NELL1: variants seen among roughly 807,000 people sequenced by gnomAD.
NELL1 encodes the protein protein kinase C-binding protein NELL1.
Under a neutral mutation model 107.4 loss-of-function variants are expected in NELL1, and 76 were observed. That is an observed-to-expected ratio of 0.71 (90% confidence interval 0.59 to 0.86). NELL1 has a LOEUF of 0.86. Ranked by LOEUF, NELL1 falls within the 40% of genes least tolerant of loss-of-function variation. The probability of loss-of-function intolerance (pLI) is 0.00; values close to 1 mark genes in which losing one functional copy is unlikely to be tolerated. For missense variants in NELL1, 1,024 were observed against 1,005.5 expected (o/e 1.02, Z -0.25); for synonymous variants, 353 against 341.2 (o/e 1.03, Z -0.38).
intron 14 of NELL1, among the ~76,000 whole-genome samples, chr11:21,255,348 C>T (rs1022466781): frequency 6.6e-6 from 1 of 152,054 alleles, no homozygotes; most frequent in Non-Finnish European, 1.5e-5. Flanking sequence ...CAGAGAAACT[C>T]TCCTTAAGAA....
intron 3 of NELL1, among the ~76,000 whole-genome samples, chr11:20,825,320 G>T (rs1032048865): frequency 1.3e-5 from 2 of 151,232 alleles, no homozygotes; most frequent in Non-Finnish European, 3.0e-5. Flanking sequence ...GAGGGCAACT[G>T]TCCTCCAGAC....
At chr11:21,118,369 TAGTA>T (rs1322664037) in intron 13 of NELL1, among the ~76,000 whole-genome samples, 1 of 152,024 alleles carries the variant, frequency 6.6e-6, no homozygotes, top group Non-Finnish European at 1.5e-5. Flanking sequence ...GACGCTTTCA[TAGTA>T]AGCTTGAGTC....
intron 15 of NELL1, among the ~76,000 whole-genome samples, chr11:21,414,789 G>T (rs1182838606): frequency 6.6e-6 from 1 of 151,998 alleles, no homozygotes; most frequent in Non-Finnish European, 1.5e-5. Flanking sequence ...TTTGGGTAAG[G>T]GGAACCCCCA....
Position 21,453,705 on chromosome 11 carries a change from T to C in NELL1, c.1646-80669T>C, listed in dbSNP as rs117877950. On this transcript the variant is annotated intron_variant, in intron 15 of 19. Coordinates refer to ENST00000357134, the MANE Select transcript of NELL1 (RefSeq NM_006157.5). ...TTTATTTACACCATCTGTTCTTCAT[T>C]TCTTTTTCCCTTTTTTCCCACCTTC... is the stretch of plus-strand genomic sequence containing the variant. Among the ~76,000 whole-genome samples, 1,324 of 152,184 alleles carry C rather than the reference T, an allele frequency of 8.7e-3. 12 individuals are homozygous for C. Among genetic ancestry groups the C allele is most frequent in the Non-Finnish European group, 0.014 (926 of 67,982 alleles).
At position 21,274,134 on chromosome 11, in the gene NELL1, C is replaced by A. The variant is rs567436444; in HGVS notation, c.1549+44680C>A. 3.3e-5 allele frequency among the ~76,000 whole-genome samples: 5 copies of A among 152,268 alleles called. No homozygotes were observed. The East Asian group carries it at 9.6e-4, about 29-fold the overall frequency. On this transcript the variant is annotated intron_variant, in intron 14 of 19. Coordinates refer to ENST00000357134, the MANE Select transcript of NELL1 (RefSeq NM_006157.5). The stretch of plus-strand genomic sequence containing the variant: ...AATTGGATAAAGAGTCCAGACCCAT[C>A]AGTGTGCTGTATTCAGGAAACCCAT...
chr11:21,161,942 A>ATTT (rs1590693801), intron 13 of NELL1, among the ~76,000 whole-genome samples: 1 of 70,898 alleles, frequency 1.4e-5, no homozygotes, highest in Admixed American at 1.7e-4. Flanking sequence ...TGGGAACATA[A>ATTT]TCTTTTTTTT....
chr11:21,028,683 A>T (rs1226419718), intron 12 of NELL1, among the ~76,000 whole-genome samples: 1 of 151,544 alleles, frequency 6.6e-6, no homozygotes, highest in Non-Finnish European at 1.5e-5. Flanking sequence ...TCTTTGATTT[A>T]TATTTGTCTA....
At chr11:21,573,160 G>A (rs1475368002) in intron 18 of NELL1, 25 bp from the exon 19 acceptor site, 1 of 1,574,706 alleles carries the variant, frequency 6.4e-7, no homozygotes, top group Non-Finnish European at 8.7e-7. Flanking sequence ...ACAATAATGA[G>A]ACATTTTTTG....
intron 14 of NELL1, among the ~76,000 whole-genome samples, chr11:21,323,300 G>A (rs1037087204): frequency 6.6e-6 from 1 of 152,288 alleles, no homozygotes; most frequent in Admixed American, 6.5e-5. Context: ...TGTGTTTAAA[G>A]CTCGCTGATG....
intron 14 of NELL1, among the ~76,000 whole-genome samples, chr11:21,271,844 G>A (rs1848746122): frequency 6.6e-6 from 1 of 152,162 alleles, no homozygotes; most frequent in Non-Finnish European, 1.5e-5. Context: ...TTGAATTGAT[G>A]TGTTCAGCAC....
intron 12 of NELL1, among the ~76,000 whole-genome samples, chr11:21,061,572 G>A (rs1464149): frequency 0.26 from 39,546 of 152,008 alleles, 5,371 homozygotes; most frequent in South Asian, 0.4. Context: ...TCTGAAAAAG[G>A]GATTTGCTAT....
intron 15 of NELL1, among the ~76,000 whole-genome samples, chr11:21,496,409 T>G (rs12792961): frequency 8.4e-6 from 1 of 118,572 alleles, no homozygotes; most frequent in African/African-American, 3.9e-5. Context: ...TCTTCTCTTG[T>G]TTTTTTTTTT....
At chr11:21,049,053 G>A (rs1853425696) in intron 12 of NELL1, among the ~76,000 whole-genome samples, 1 of 152,184 alleles carries the variant, frequency 6.6e-6, no homozygotes, top group Non-Finnish European at 1.5e-5. Flanking sequence ...CCCTCAGCCA[G>A]TTCCACAGGA....
chr11:21,053,147 T>C (rs896353278), intron 12 of NELL1, among the ~76,000 whole-genome samples: 3 of 151,590 alleles, frequency 2.0e-5, no homozygotes, highest in African/African-American at 7.2e-5. Context: ...ATACTTTAAG[T>C]TCTGGGATAC....
intron 3 of NELL1, among the ~76,000 whole-genome samples, chr11:20,799,633 CT>C (rs1857241988): frequency 6.9e-6 from 1 of 145,354 alleles, no homozygotes; most frequent in African/African-American, 2.6e-5. Flanking sequence ...ATCAGTTCAT[CT>C]GGAGACAGCC....
intron 13 of NELL1, among the ~76,000 whole-genome samples, chr11:21,138,147 C>G (rs530793076): frequency 6.6e-6 from 1 of 152,062 alleles, no homozygotes; most frequent in Non-Finnish European, 1.5e-5. Flanking sequence ...CTTATTCCCT[C>G]GGTGCTCTTG....
chr11:21,309,260 G>GTATATATA (rs35920508), intron 14 of NELL1, among the ~76,000 whole-genome samples: 1 of 99,668 alleles, frequency 1.0e-5, no homozygotes, highest in African/African-American at 3.8e-5. Context: ...ATATATATAT[G>GTATATATA]TATATATATA....
At chr11:20,868,439 T>C (rs1377110282) in intron 4 of NELL1, among the ~76,000 whole-genome samples, 1 of 152,166 alleles carries the variant, frequency 6.6e-6, no homozygotes, top group Non-Finnish European at 1.5e-5. Context: ...TTTGGGATGA[T>C]AAAAAGTTAA....
At chr11:21,063,535 G>A (rs546141879) in intron 12 of NELL1, among the ~76,000 whole-genome samples, 2 of 152,206 alleles carry the variant, frequency 1.3e-5, no homozygotes, top group African/African-American at 4.8e-5. Context: ...TATTTCATTA[G>A]CATAAACACA....
Sources: gnomAD v4.1 joint callset for allele counts (sites outside exome capture counted in the v4.1 genomes callset) on GRCh38, gnomAD v4.1.1 for gene constraint, MANE v1.5 for transcripts, NCBI Gene and HGNC (gene_info 2026-07-23, HGNC 2026-07-21) for gene names.